RIMS1: variants seen among roughly 807,000 people sequenced by gnomAD.
The protein encoded by RIMS1 is regulating synaptic membrane exocytosis protein 1.
Under a neutral mutation model 214.1 loss-of-function variants are expected in RIMS1, and 83 were observed. The ratio of observed to expected loss-of-function variants is 0.39; its 90% CI spans 0.32 to 0.47. The LOEUF is 0.47. Ranked by LOEUF, RIMS1 falls within the 20% of genes least tolerant of loss-of-function variation. RIMS1 has a pLI of 0.99. For synonymous variants in RIMS1, 793 were observed against 786.8 expected (o/e 1.01, Z -0.13); for missense variants, 2,050 against 2,161.8 (o/e 0.95, Z 1.03).
chr6:72,029,259 T>C (rs945496485), intron 2 of RIMS1, among the ~76,000 whole-genome samples: 8 of 152,326 alleles, frequency 5.3e-5, no homozygotes, highest in East Asian at 1.9e-4. Context: ...AAAAATACTT[T>C]GTGATTTTTA....
intron 29 of RIMS1, among the ~76,000 whole-genome samples, chr6:72,346,000 GTATAAAA>G (rs778828295): frequency 6.6e-6 from 1 of 151,700 alleles, no homozygotes; most frequent in Non-Finnish European, 1.5e-5. Context: ...TAGGAAAGAA[GTATAAAA>G]TACAAGTAAA....
At chr6:72,112,427 A>G (rs993264103) in intron 4 of RIMS1, among the ~76,000 whole-genome samples, 2 of 151,990 alleles carry the variant, frequency 1.3e-5, no homozygotes, top group African/African-American at 4.8e-5. Context: ...ATGGCTTCCC[A>G]TCTCATCCAA....
At chr6:72,162,920 T>C (rs1464726710) in intron 4 of RIMS1, among the ~76,000 whole-genome samples, 1 of 138,348 alleles carries the variant, frequency 7.2e-6, no homozygotes, top group African/African-American at 2.5e-5. Context: ...ATTTCCTGAA[T>C]TTGAAAGTTG....
chr6:72,217,147 T>A, intron 6 of RIMS1: 1 of 1,534,574 alleles, frequency 6.5e-7, no homozygotes, highest in East Asian at 2.4e-5. Flanking sequence ...TTTAATGATT[T>A]GATGCCAGTG....
chr6:72,094,314 G>T (rs978436141), intron 2 of RIMS1, among the ~76,000 whole-genome samples: 1 of 151,986 alleles, frequency 6.6e-6, no homozygotes, highest in African/African-American at 2.4e-5. Context: ...AATATTAAAT[G>T]GTCTATGAGT....
chr6:72,168,375 C>A (rs1395990578), intron 4 of RIMS1, among the ~76,000 whole-genome samples: 2 of 152,176 alleles, frequency 1.3e-5, no homozygotes, highest in African/African-American at 2.4e-5. Context: ...GAGGACTAAG[C>A]AAGTGACTGG....
intron 1 of RIMS1, among the ~76,000 whole-genome samples, chr6:71,959,784 C>G (rs548865814): frequency 6.6e-6 from 1 of 152,102 alleles, no homozygotes; most frequent in South Asian, 2.1e-4. Flanking sequence ...TTTATTTGCT[C>G]AACACAAAAT....
chr6:72,285,653 GATCA>G (rs1591960674), intron 24 of RIMS1, among the ~76,000 whole-genome samples: 2 of 152,146 alleles, frequency 1.3e-5, no homozygotes, highest in East Asian at 3.9e-4. Flanking sequence ...GAAGGAAATT[GATCA>G]ATCGATAGAT....
chr6:72,321,074 G>T (rs1407778545), intron 28 of RIMS1, among the ~76,000 whole-genome samples: 1 of 151,968 alleles, frequency 6.6e-6, no homozygotes, highest in Non-Finnish European at 1.5e-5. Context: ...TACTACTTAT[G>T]CAGCATAATG....
At chr6:72,292,116 T>A (rs1051469306) in intron 26 of RIMS1, 70 bp downstream of exon 26, 175 of 916,640 alleles carry the variant, frequency 1.9e-4, no homozygotes, top group Non-Finnish European at 2.7e-4. Flanking sequence ...ATACCCCTTT[T>A]ATTAAATGAA....
At chr6:72,358,540 G>A (rs543914705) in intron 29 of RIMS1, among the ~76,000 whole-genome samples, 22 of 152,240 alleles carry the variant, frequency 1.4e-4, no homozygotes, top group African/African-American at 4.8e-4. Flanking sequence ...CAGAGATTAC[G>A]TGGGGACAGA....
chr6:72,066,565 T>G (rs1031403714), intron 2 of RIMS1, among the ~76,000 whole-genome samples: 5 of 152,172 alleles, frequency 3.3e-5, no homozygotes, highest in African/African-American at 1.2e-4. Flanking sequence ...CTCTTCCCTG[T>G]GCTCAAAAGC....
chr6:72,196,609 T>C (rs1381803796), intron 6 of RIMS1, among the ~76,000 whole-genome samples: 2 of 143,338 alleles, frequency 1.4e-5, no homozygotes, highest in African/African-American at 5.1e-5. Flanking sequence ...TTTTTACCTA[T>C]ACAGGAAATG....
chr6:71,993,166 C>A (rs1199471321), intron 2 of RIMS1, among the ~76,000 whole-genome samples: 3 of 152,108 alleles, frequency 2.0e-5, no homozygotes. Context: ...AGTTATAACA[C>A]CAGAATGATC....
intron 6 of RIMS1, chr6:72,217,131 C>T: frequency 6.5e-7 from 1 of 1,530,442 alleles, no homozygotes. Context: ...CCATTGCTAG[C>T]TGAAATTTAA....
intron 2 of RIMS1, among the ~76,000 whole-genome samples, chr6:72,067,850 T>C (rs940336835): frequency 6.6e-6 from 1 of 152,246 alleles, no homozygotes; most frequent in Admixed American, 6.5e-5. Context: ...TCTTCATTAA[T>C]GTGAGTCAAG....
intron 29 of RIMS1, among the ~76,000 whole-genome samples, chr6:72,354,768 G>T (rs1425214648): frequency 6.6e-6 from 1 of 152,178 alleles, no homozygotes; most frequent in African/African-American, 2.4e-5. Flanking sequence ...TCTAAGTGTA[G>T]TTGGCAAACC....
chr6:72,185,631 C>T (rs2048990649), intron 6 of RIMS1, among the ~76,000 whole-genome samples: 1 of 152,194 alleles, frequency 6.6e-6, no homozygotes, highest in Non-Finnish European at 1.5e-5. Context: ...TTGTTCAGGA[C>T]TCCTTTTGAC....
rs187228292 is a variant in RIMS1, at chr6:72,058,740, C to T, written c.246-38209C>T. 3.1e-3 allele frequency among the ~76,000 whole-genome samples: 471 copies of T among 152,244 alleles called. 6 individuals are homozygous for T. The highest frequency in any genetic ancestry group is 3.4e-3 in the Non-Finnish European group (234 of 68,024). On this transcript the variant is annotated intron_variant, in intron 2 of 33. Coordinates refer to ENST00000521978, the MANE Select transcript of RIMS1 (RefSeq NM_014989.7). ...TCCTCTTATTTCTTGCCGAGGACAT[C>T]CCAAATTCTATGAGCACACCTTATA...
Sources: gnomAD v4.1 joint callset for allele counts (sites outside exome capture counted in the v4.1 genomes callset) on GRCh38, gnomAD v4.1.1 for gene constraint, MANE v1.5 for transcripts, NCBI Gene and HGNC (gene_info 2026-07-23, HGNC 2026-07-21) for gene names.